Variants in ATG3 observed in about 807,000 individuals in gnomAD.
The protein encoded by ATG3 is ubiquitin-like-conjugating enzyme ATG3.
In ATG3, 25 loss-of-function variants were observed where a neutral mutation model predicts 50.7. The observed-to-expected ratio is 0.49, with a 90% CI of 0.36 to 0.69. The LOEUF (loss-of-function observed/expected upper bound fraction) is 0.69. ATG3 is among the 30% of genes least tolerant of loss of function. The probability of loss-of-function intolerance (pLI) is 0.00; values close to 1 mark genes in which losing one functional copy is unlikely to be tolerated. For missense variants in ATG3, 281 were observed against 376.0 expected (o/e 0.75, Z 2.09); for synonymous variants, 119 against 125.5 (o/e 0.95, Z 0.34).
chr3:112,537,502 G>T (rs1933102706), intron 9 of ATG3: 1 of 320,208 alleles, frequency 3.1e-6, no homozygotes, highest in Admixed American at 5.1e-5. Context: ...TTCAAAAAAG[G>T]AATATGTAAT....
At position 112,548,653 on chromosome 3, in the gene ATG3, T is replaced by A. The variant is rs748511864; in HGVS notation, c.236-13A>T. The A allele has an allele frequency of 1.9e-5, 30 of 1,602,254 alleles. 1 individual carries two copies. In the South Asian group the frequency reaches 3.2e-4, roughly 17 times the overall value. On this transcript the variant is annotated splice_polypyrimidine_tract_variant and intron_variant, in intron 4 of 11. Transcript: ENST00000283290. ...TTATAGCACGGCACTATAAAAAAAATGGTAAATACAGTTAACTAGCACGTA... is the reference window on the plus strand; with the variant it reads ...TTATAGCACGGCACTATAAAAAAAAAGGTAAATACAGTTAACTAGCACGTA...
intron 3 of ATG3, among the ~76,000 whole-genome samples, chr3:112,551,584 T>C (rs1323537397): frequency 2.0e-5 from 3 of 152,146 alleles, no homozygotes; most frequent in Non-Finnish European, 4.4e-5. Flanking sequence ...CGTCCATATA[T>C]ACAAGCCCCT....
In ATG3 at chr3:112,536,499, G is replaced by A. The variant is rs774092614; in HGVS notation, c.770C>T (p.Pro257Leu). 3.1e-6 allele frequency: 5 copies of A among 1,613,796 alleles called. No homozygotes were observed. Among genetic ancestry groups the A allele is most frequent in the Non-Finnish European group, 2.5e-6 (3 of 1,179,740 alleles). The change falls in exon 10 of 12, where the codon CCC becomes CTC. Residue 257 changes from proline to leucine, a missense_variant. Around this residue, in one of 3 missense-constraint regions of ATG3, gnomAD observed 242 missense variants for 305.0 expected, o/e 0.79. Coordinates refer to ENST00000283290, the MANE Select transcript of ATG3 (RefSeq NM_022488.5). ...CCTGCATGGGTGAACTGAACACATG[G>A]GAGGTGGTGGCAGATGAGGGTGATT... is the stretch of plus-strand genomic sequence containing the variant. The part of the protein sequence containing the change: ...IENHPHLPPP[P>L]MCSVHPCRHA...
chr3:112,553,995 G>A (rs987875405), intron 2 of ATG3, among the ~76,000 whole-genome samples: 6 of 152,160 alleles, frequency 3.9e-5, no homozygotes, highest in South Asian at 2.1e-4. Flanking sequence ...CTTCCTAAGC[G>A]GGCTGAATAT....
chr3:112,538,284 T>G (rs1933131431), intron 7 of ATG3, 104 bp from the exon 8 acceptor site: 13 of 888,670 alleles, frequency 1.5e-5, no homozygotes, highest in Non-Finnish European at 1.2e-5. Context: ...ACTGGGGTTT[T>G]GCCTTTGTTT....
intron 5 of ATG3, 138 bp downstream of exon 5, chr3:112,548,395 T>C: frequency 1.4e-6 from 1 of 718,926 alleles, no homozygotes; most frequent in Non-Finnish European, 2.3e-6. Flanking sequence ...TTAAAATTTG[T>C]CCTCCTGCTT....
chr3:112,541,016 T>C (rs1176222314), intron 7 of ATG3, among the ~76,000 whole-genome samples: 1 of 152,204 alleles, frequency 6.6e-6, no homozygotes, highest in Non-Finnish European at 1.5e-5. Flanking sequence ...GATTCACTAA[T>C]GCAGTGATTC....
intron 4 of ATG3, among the ~76,000 whole-genome samples, chr3:112,549,041 G>A (rs749058937): frequency 7.2e-5 from 11 of 152,206 alleles, no homozygotes; most frequent in Non-Finnish European, 1.3e-4. Context: ...GTCAGTGGTG[G>A]TAAAGGTGAA....
chr3:112,540,807 G>C (rs1409912812), intron 7 of ATG3, among the ~76,000 whole-genome samples: 1 of 152,150 alleles, frequency 6.6e-6, no homozygotes, highest in Non-Finnish European at 1.5e-5. Context: ...TGCAGAAAAG[G>C]TAAGTGTAAT....
intron 2 of ATG3, among the ~76,000 whole-genome samples, chr3:112,555,199 GAAAAACA>G (rs1245470581): frequency 1.3e-5 from 2 of 151,748 alleles, no homozygotes; most frequent in Non-Finnish European, 2.9e-5. Context: ...CAAGAAAAAC[GAAAAACA>G]AAAAACAAAA....
At chr3:112,547,264 G>A (rs1003238393) in intron 5 of ATG3, among the ~76,000 whole-genome samples, 1 of 152,192 alleles carries the variant, frequency 6.6e-6, no homozygotes, top group African/African-American at 2.4e-5. Flanking sequence ...CCAAAAAACA[G>A]TGCCAAGGTT....
chr3:112,550,128 C>G (rs1933489559), intron 4 of ATG3, 64 bp downstream of exon 4: 1 of 1,220,750 alleles, frequency 8.2e-7, no homozygotes, highest in African/African-American at 1.6e-5. Context: ...AATAGAAAAA[C>G]CGAGAGCTTC....
intron 7 of ATG3, among the ~76,000 whole-genome samples, chr3:112,541,567 T>G (rs76251660): frequency 0.037 from 5,666 of 152,280 alleles, 159 homozygotes; most frequent in Non-Finnish European, 0.05. Flanking sequence ...TTATGACTAA[T>G]AGTTATTCCA....
intron 2 of ATG3, among the ~76,000 whole-genome samples, chr3:112,557,784 G>A (rs1933729937): frequency 6.6e-6 from 1 of 151,554 alleles, no homozygotes; most frequent in African/African-American, 2.4e-5. Context: ...AGTGAATAAA[G>A]TTCTATTGCC....
Position 112,544,105 on chromosome 3 carries a change from A to G in ATG3, c.345T>C (p.Gly115=), listed in dbSNP as rs1432449356. Residue 115 remains glycine (G), a splice_region_variant and synonymous_variant, in exon 6 of 12, where the codon GGT becomes GGC. Transcript: ENST00000283290. ...GGWVDTYHNT[G]ITGITEAVKE... ...TAACGGCTTCCGTTATTCCTGTAAT[A>G]CCTATGTAAAATTCGGCAGAAAAGA... 6.2e-7 allele frequency: 1 copy of G among 1,600,250 alleles called. No individual in the cohort carries two copies. Among genetic ancestry groups the G allele is most frequent in the Non-Finnish European group, 8.6e-7 (1 of 1,168,038 alleles).
intron 9 of ATG3, 80 bp from the exon 10 acceptor site, chr3:112,536,682 G>A: frequency 6.7e-7 from 1 of 1,490,186 alleles, no homozygotes; most frequent in South Asian, 1.2e-5. Flanking sequence ...AGCACTGTGG[G>A]AGACTGAGGT....
chr3:112,550,553 G>A (rs1933500744), intron 3 of ATG3, among the ~76,000 whole-genome samples: 1 of 152,174 alleles, frequency 6.6e-6, no homozygotes, highest in African/African-American at 2.4e-5. Context: ...CAACTATTAT[G>A]TTTGCCTCTA....
intron 1 of ATG3, 30 bp downstream of exon 1, chr3:112,561,427 A>C: frequency 6.2e-7 from 1 of 1,609,984 alleles, no homozygotes; most frequent in Non-Finnish European, 8.5e-7. Flanking sequence ...CATGTGCCTG[A>C]CAGCTCCCGG....
intron 1 of ATG3, among the ~76,000 whole-genome samples, chr3:112,560,192 G>T (rs1193209623): frequency 2.0e-5 from 3 of 152,142 alleles, no homozygotes; most frequent in Non-Finnish European, 4.4e-5. Context: ...TTGTACAATG[G>T]TGTATTATTA....
Sources: allele counts gnomAD v4.1 joint callset (sites outside exome capture counted in the v4.1 genomes callset), GRCh38; gene constraint gnomAD v4.1.1; regional missense constraint gnomAD v4.1.1; transcripts MANE v1.5; gene names NCBI Gene and HGNC (gene_info 2026-07-23, HGNC 2026-07-21).